The following EYA4 variants were observed in gnomAD, a reference collection of about 807,000 sequenced individuals.
EYA4 encodes EYA transcriptional coactivator and phosphatase 4.
EYA4 carries 31 observed loss-of-function variants against 87.9 expected under a neutral mutation model. That is an observed-to-expected ratio of 0.35 (90% CI 0.27 to 0.48). EYA4 has a LOEUF of 0.48. EYA4 is among the 20% of genes least tolerant of loss of function. The pLI is 0.99. For missense variants in EYA4, 678 were observed against 761.4 expected, an observed-to-expected ratio of 0.89 and a Z score of 1.29; for synonymous variants, 263 against 270.6, an observed-to-expected ratio of 0.97 and a Z score of 0.28.
At chr6:133,248,241 A>G (rs1446589415) in intron 1 of EYA4, 1 of 152,196 alleles carries the variant, frequency 6.6e-6, no homozygotes, top group African/African-American at 2.4e-5. Flanking sequence ...TTTCACGTAA[A>G]TTATTGCTAC....
chr6:133,408,419 C>T (rs543956375), intron 3 of EYA4, among the ~76,000 whole-genome samples: 2 of 152,134 alleles, frequency 1.3e-5, no homozygotes, highest in African/African-American at 4.8e-5. Flanking sequence ...GTTAAAAATA[C>T]ATATATATTT....
At chr6:133,462,946 C>A (rs1215109096) in intron 9 of EYA4, among the ~76,000 whole-genome samples, 182 bp downstream of exon 9, 1 of 152,086 alleles carries the variant, frequency 6.6e-6, no homozygotes, top group East Asian at 1.9e-4. Context: ...CGTCAGGAAA[C>A]ATGACCTATA....
In EYA4 at chr6:133,530,225, C is replaced by A. The variant is rs770388782; in HGVS notation, c.*1420C>A. On this transcript the variant is annotated 3_prime_UTR_variant, in exon 20 of 20. Transcript: ENST00000355286. ...GGTTCTCCATCTGAATACATCAATGCAGGTTCTCCTCGTAACAGACTTGCA... is the reference window on the plus strand; with the variant it reads ...GGTTCTCCATCTGAATACATCAATGAAGGTTCTCCTCGTAACAGACTTGCA... 5 of 985,372 alleles carry A rather than the reference C, an allele frequency of 5.1e-6. No homozygotes were observed. Among genetic ancestry groups the A allele is most frequent in the Non-Finnish European group, 6.0e-6 (5 of 829,894 alleles). The allele number at this position is 985,372 out of a possible 1,614,324, so 61.0% of individuals were successfully genotyped here.
At chr6:133,409,398 C>T (rs190762341) in intron 3 of EYA4, among the ~76,000 whole-genome samples, 1 of 151,670 alleles carries the variant, frequency 6.6e-6, no homozygotes, top group East Asian at 1.9e-4. Context: ...ATGGATGAAC[C>T]TGGAGGACAT....
intron 2 of EYA4, among the ~76,000 whole-genome samples, chr6:133,290,400 AT>A (rs1431774594): frequency 5.3e-5 from 8 of 152,080 alleles, no homozygotes; most frequent in Admixed American, 3.3e-4. Context: ...ATATGGGTTT[AT>A]TTTCCCCTAT....
At position 133,480,988 on chromosome 6, in the gene EYA4, A is replaced by T. The variant is rs1424964536; in HGVS notation, c.971-475A>T. 2.0e-5 allele frequency among the ~76,000 whole-genome samples: 3 copies of T among 151,958 alleles called. No individual in the cohort carries two copies. In the East Asian group the frequency reaches 5.8e-4, roughly 29 times the overall value. ...GTGGAAGGGAAGATGGGAGAGGTGG[A>T]AGGGAAGATGGGAGAGGTGGAAGGG... On this transcript the variant is annotated intron_variant, in intron 11 of 19. Coordinates refer to ENST00000355286, the MANE Select transcript of EYA4 (RefSeq NM_004100.5).
intron 1 of EYA4, among the ~76,000 whole-genome samples, chr6:133,254,350 G>C (rs1162249518): frequency 6.6e-6 from 1 of 152,122 alleles, no homozygotes; most frequent in Non-Finnish European, 1.5e-5. Context: ...GTTTGTGTCA[G>C]TGTTTCAAAA....
At chr6:133,282,368 G>T (rs1026705889) in intron 2 of EYA4, among the ~76,000 whole-genome samples, 8 of 152,180 alleles carry the variant, frequency 5.3e-5, no homozygotes, top group East Asian at 1.9e-4. Context: ...GTTCATGTTT[G>T]TTGGCCGCTT....
chr6:133,406,958 T>C (rs1583195952), intron 3 of EYA4, among the ~76,000 whole-genome samples: 4 of 152,298 alleles, frequency 2.6e-5, no homozygotes, highest in African/African-American at 9.6e-5. Flanking sequence ...TTTTCTAGAA[T>C]AAAGTAAGCA....
At chr6:133,409,311 G>A (rs1789002336) in intron 3 of EYA4, among the ~76,000 whole-genome samples, 1 of 152,128 alleles carries the variant, frequency 6.6e-6, no homozygotes, top group African/African-American at 2.4e-5. Flanking sequence ...AATGGATAAA[G>A]AAATTGCAAA....
chr6:133,356,248 G>T (rs574451065), intron 2 of EYA4, among the ~76,000 whole-genome samples: 1 of 152,202 alleles, frequency 6.6e-6, no homozygotes, highest in South Asian at 2.1e-4. Flanking sequence ...GAACTTTGGG[G>T]CAATGCAGAC....
intron 2 of EYA4, among the ~76,000 whole-genome samples, chr6:133,303,841 T>C (rs1434157263): frequency 4.6e-5 from 7 of 152,172 alleles, no homozygotes; most frequent in African/African-American, 1.7e-4. Flanking sequence ...ATGGTTCCGT[T>C]AGTACTTTGT....
intron 2 of EYA4, among the ~76,000 whole-genome samples, chr6:133,316,922 A>G (rs1780672774): frequency 6.6e-6 from 1 of 152,180 alleles, no homozygotes; most frequent in African/African-American, 2.4e-5. Flanking sequence ...TTTGGCCTGC[A>G]TAGAAGCCTA....
chr6:133,424,191 C>T (rs1191587070), intron 3 of EYA4, among the ~76,000 whole-genome samples: 1 of 152,222 alleles, frequency 6.6e-6, no homozygotes, highest in Admixed American at 6.5e-5. Context: ...ATGCCCTGCT[C>T]TGGCTGAGCC....
intron 1 of EYA4, among the ~76,000 whole-genome samples, chr6:133,241,958 C>T (rs1285516417): frequency 1.3e-5 from 2 of 152,166 alleles, no homozygotes; most frequent in East Asian, 1.9e-4. Flanking sequence ...GGGCCCGGGC[C>T]GCTCGGACCG....
At chr6:133,311,893 A>T (rs1230526481) in intron 2 of EYA4, among the ~76,000 whole-genome samples, 1 of 152,190 alleles carries the variant, frequency 6.6e-6, no homozygotes, top group African/African-American at 2.4e-5. Context: ...AAACAGGAAC[A>T]CCTGTGGACT....
intron 3 of EYA4, among the ~76,000 whole-genome samples, chr6:133,389,533 T>C (rs962480359): frequency 6.6e-6 from 1 of 152,226 alleles, no homozygotes; most frequent in African/African-American, 2.4e-5. Context: ...AATGAATGAA[T>C]AACTTCCAAA....
At chr6:133,523,022 G>T in intron 17 of EYA4, 34 bp from the exon 18 acceptor site, 1 of 1,576,516 alleles carries the variant, frequency 6.3e-7, no homozygotes. Context: ...TTTAGTATTA[G>T]AAAACAAACA....
chr6:133,415,486 C>T (rs372553843), intron 3 of EYA4, among the ~76,000 whole-genome samples: 2 of 152,158 alleles, frequency 1.3e-5, no homozygotes, highest in Non-Finnish European at 2.9e-5. Flanking sequence ...TGCCTCCTCT[C>T]ACAGCCTTTA....
Sources: gnomAD v4.1 joint callset for allele counts (sites outside exome capture counted in the v4.1 genomes callset) on GRCh38, gnomAD v4.1.1 for gene constraint, MANE v1.5 for transcripts, NCBI Gene and HGNC (gene_info 2026-07-23, HGNC 2026-07-21) for gene names.